Variants in NFKB2 observed in about 807,000 individuals in gnomAD.
NFKB2 encodes nuclear factor kappa B subunit 2, also known as nuclear factor NF-kappa-B p100 subunit.
In NFKB2, 21 loss-of-function variants were observed where a neutral mutation model predicts 109.3. The ratio of observed to expected loss-of-function variants is 0.19; its 90% CI spans 0.14 to 0.28. The LOEUF is 0.28. Ranked by LOEUF, NFKB2 falls within the 10% of genes least tolerant of loss-of-function variation. NFKB2 has a pLI of 1.00. For missense variants in NFKB2, 806 were observed against 1,185.3 expected (o/e 0.68, Z 4.70); for synonymous variants, 478 against 489.9 (o/e 0.98, Z 0.32).
intron 12 of NFKB2, 146 bp from the exon 13 acceptor site, chr10:102,399,142 A>G: frequency 1.2e-6 from 1 of 856,228 alleles, no homozygotes; most frequent in East Asian, 2.7e-5. Context: ...GAACCCTGGG[A>G]GACAAGAGGT....
At position 102,401,213 on chromosome 10, in the gene NFKB2, T is replaced by C; in HGVS notation, c.2105T>C (p.Leu702Pro). 1 of 1,605,308 alleles carries C rather than the reference T, an allele frequency of 6.2e-7. No homozygotes were observed. Among genetic ancestry groups the C allele is most frequent in the Non-Finnish European group, 8.5e-7 (1 of 1,174,756 alleles). ...ATCCATGCTGAAAACGAGGAGCCCCTGTGCCCACTGCCTTCACCCCCTACC... is the reference window on the plus strand; with the variant it reads ...ATCCATGCTGAAAACGAGGAGCCCCCGTGCCCACTGCCTTCACCCCCTACC... ...ADIHAENEEP[L>P]CPLPSPPTSD... Residue 702 changes from leucine to proline, a missense_variant, in exon 19 of 23, where the codon CTG becomes CCG. Around this residue, in one of 10 missense-constraint regions of NFKB2, gnomAD observed 211 missense variants for 268.7 expected, o/e 0.79. Transcript: ENST00000661543. This position sits in a 1 kb window ranked among gnomAD's most constrained non-coding sequence, Gnocchi z 4.2.
In NFKB2 at chr10:102,402,317, C is replaced by T; in HGVS notation, c.2644C>T (p.Pro882Ser). 6.4e-7 allele frequency: 1 copy of T among 1,568,514 alleles called. No homozygotes were observed. The highest frequency in any genetic ancestry group is 8.6e-7 in the Non-Finnish European group (1 of 1,156,782). ...SVEQEAEKLG[P>S]PPEPPGGLCH... ...GGAGCAGGAGGCAGAGAAGCTGGGC[C>T]CACCCCCTGAGCCACCAGGAGGGCT... Residue 882 changes from proline to serine, a missense_variant, in exon 23 of 23, where the codon CCA becomes TCA. Physicochemically the swap from Pro to Ser is moderately conservative, Grantham distance 74. Around this residue, in one of 10 missense-constraint regions of NFKB2, gnomAD observed 211 missense variants for 268.7 expected, o/e 0.79. Transcript: ENST00000661543.
In NFKB2 at chr10:102,401,879, A is replaced by T; in HGVS notation, c.2428A>T (p.Thr810Ser). 6.2e-7 allele frequency: 1 copy of T among 1,613,720 alleles called. No individual in the cohort carries two copies. The highest frequency in any genetic ancestry group is 8.5e-7 in the Non-Finnish European group (1 of 1,179,872). ...LRSLVDTYRQTTSPSGSLLRS... is the reference protein window; with the variant it reads ...LRSLVDTYRQSTSPSGSLLRS... ...CAGCCTGGTAGACACGTACCGACAGACAACCTCACCCAGTGGCAGCCTCCT... is the reference window on the plus strand; with the variant it reads ...CAGCCTGGTAGACACGTACCGACAGTCAACCTCACCCAGTGGCAGCCTCCT... The change falls in exon 21 of 23, where the codon ACA becomes TCA. Residue 810 changes from threonine to serine, a missense_variant. Thr to Ser is a moderately conservative substitution (Grantham distance 58). Around this residue, in one of 10 missense-constraint regions of NFKB2, gnomAD observed 211 missense variants for 268.7 expected, o/e 0.79. Coordinates refer to ENST00000661543, the MANE Select transcript of NFKB2 (RefSeq NM_001322934.2). This position sits in a 1 kb window ranked among gnomAD's most constrained non-coding sequence, Gnocchi z 4.2.
rs1056519389 is a variant in NFKB2 at position 102,396,680 on chromosome 10, G to A, written c.145-45G>A. On this transcript the variant is annotated intron_variant, in intron 4 of 22. Transcript: ENST00000661543. The surrounding 1 kb of genome is among the most constrained non-coding windows in gnomAD (Gnocchi z 5.9). ...GGCACTGCGGTCACTGCTGGCCTGG[G>A]TGGTCTTCCCTGATCACAATGCTAC... is the stretch of plus-strand genomic sequence containing the variant. The A allele has an allele frequency of 5.0e-6, 8 of 1,588,380 alleles. No homozygotes were observed. The highest frequency in any genetic ancestry group is 2.2e-5 in the East Asian group (1 of 44,458).
chr10:102,394,740 C>T (rs2061069280), upstream of NFKB2: 1 of 152,630 alleles, frequency 6.6e-6, no homozygotes, highest in Non-Finnish European at 1.5e-5. Flanking sequence ...CACTCGGATC[C>T]ACGTCGACAC....
At position 102,399,591 on chromosome 10, in the gene NFKB2, G is replaced by A. The variant is rs1474284997; in HGVS notation, c.1342G>A (p.Ala448Thr). The stretch of plus-strand genomic sequence containing the variant: ...GTGGCCCGTAGCTCGAGAGTACAAC[G>A]CGCGCCTGTTCGGCCTGGCGCAGCG... ...EMLQRAREYNARLFGLAQRSA... is the reference protein window; with the variant it reads ...EMLQRAREYNTRLFGLAQRSA... The change falls in exon 14 of 23, where the codon GCG becomes ACG. Residue 448 changes from alanine to threonine, a missense_variant. Physicochemically the swap from Ala to Thr is moderately conservative, Grantham distance 58 (BLOSUM62 0). Around this residue, in one of 10 missense-constraint regions of NFKB2, gnomAD observed 209 missense variants for 211.9 expected, o/e 0.99. Transcript: ENST00000661543. The A allele has an allele frequency of 1.3e-6, 2 of 1,550,746 alleles. No homozygotes were observed. The highest frequency in any genetic ancestry group is 1.9e-5 in the Admixed American group (1 of 51,512).
Position 102,398,599 on chromosome 10 carries a change from G to A in NFKB2, c.991+76G>A. 1 of 1,610,242 alleles carries A rather than the reference G, an allele frequency of 6.2e-7. No individual in the cohort carries two copies. The highest frequency in any genetic ancestry group is 1.1e-5 in the South Asian group (1 of 90,732). ...TAGAAGAAGGTCCCAAGAGCTAGAT[G>A]TGGGGATGCATGAGCCAAGTCAGAA... On this transcript the variant is annotated intron_variant, in intron 11 of 22. Coordinates refer to ENST00000661543, the MANE Select transcript of NFKB2 (RefSeq NM_001322934.2). This position sits in a 1 kb window ranked among gnomAD's most constrained non-coding sequence, Gnocchi z 6.6.
chr10:102,400,126 C>T lies in NFKB2; in HGVS notation c.1516C>T (p.Gln506Ter). The T allele has an allele frequency of 6.2e-7, 1 of 1,614,156 alleles. No homozygotes were observed. The highest frequency in any genetic ancestry group is 8.5e-7 in the Non-Finnish European group (1 of 1,180,018). ...IIHGQTSVIE[Q>*]IVYVIHHAQD... ...CCACGGGCAGACCAGTGTCATTGAG[C>T]AGATAGTCTATGTCATCCACCACGC... is the stretch of plus-strand genomic sequence containing the variant. Residue 506 changes from glutamine (Q) to a stop codon, truncating the protein, a stop_gained, in exon 15 of 23, where the codon CAG becomes TAG. Transcript: ENST00000661543. LOFTEE classifies it high-confidence loss of function. The surrounding 1 kb of genome is among the most constrained non-coding windows in gnomAD (Gnocchi z 6.3).
In NFKB2 at chr10:102,401,524, A is replaced by G. The variant is rs1442784333; in HGVS notation, c.2293+6A>G. The G allele has an allele frequency of 6.2e-7, 1 of 1,612,262 alleles. No homozygotes were observed. The highest frequency in any genetic ancestry group is 8.5e-7 in the Non-Finnish European group (1 of 1,179,826). ...GACCCCGCCCAGCCCAGCAGGTGAG[A>G]AGCATCAGGCATCCCCAGCCCGACT... On this transcript the variant is annotated splice_donor_region_variant and intron_variant, in intron 20 of 22. Coordinates refer to ENST00000661543, the MANE Select transcript of NFKB2 (RefSeq NM_001322934.2). This position sits in a 1 kb window ranked among gnomAD's most constrained non-coding sequence, Gnocchi z 4.2.
upstream of NFKB2, chr10:102,394,542 G>C (rs1472883268): frequency 1.3e-5 from 2 of 149,908 alleles, no homozygotes; most frequent in African/African-American, 5.0e-5. Flanking sequence ...GCGAGGTGTC[G>C]CGACCGGTCC....
chr10:102,402,300 A>G lies in NFKB2; in HGVS notation c.2627A>G (p.Glu876Gly). ...SAYGSQSVEQEAEKLGPPPEP... is the reference protein window; with the variant it reads ...SAYGSQSVEQGAEKLGPPPEP... ...TACGGGAGCCAGTCAGTGGAGCAGGAGGCAGAGAAGCTGGGCCCACCCCCT... is the reference window on the plus strand; with the variant it reads ...TACGGGAGCCAGTCAGTGGAGCAGGGGGCAGAGAAGCTGGGCCCACCCCCT... Residue 876 changes from glutamate (E) to glycine (G), a missense_variant, in exon 23 of 23, where the codon GAG becomes GGG. Glu to Gly is a moderately conservative substitution (Grantham distance 98). Around this residue, in one of 10 missense-constraint regions of NFKB2, gnomAD observed 211 missense variants for 268.7 expected, o/e 0.79. Coordinates refer to ENST00000661543, the MANE Select transcript of NFKB2 (RefSeq NM_001322934.2). 1 of 1,563,184 alleles carries G rather than the reference A, an allele frequency of 6.4e-7. No homozygotes were observed. Among genetic ancestry groups the G allele is most frequent in the South Asian group, 1.2e-5 (1 of 85,194 alleles).
chr10:102,397,609 T>G lies in NFKB2; in HGVS notation c.585T>G (p.Ser195=), dbSNP rs543351754. The change falls in exon 8 of 23, where the codon TCT becomes TCG. Residue 195 remains serine, a synonymous_variant. Coordinates refer to ENST00000661543, the MANE Select transcript of NFKB2 (RefSeq NM_001322934.2). The surrounding 1 kb of genome is among the most constrained non-coding windows in gnomAD (Gnocchi z 4.7). ...TGAGTATAGTGCGGCTGCGCTTCTC[T>G]GCCTTCCTTAGAGCCAGTGATGGCT... ...MDLSIVRLRF[S]AFLRASDGSF... 2.5e-6 allele frequency: 4 copies of G among 1,614,092 alleles called. No homozygotes were observed. The highest frequency in any genetic ancestry group is 3.4e-6 in the Non-Finnish European group (4 of 1,179,936).
Position 102,402,355 on chromosome 10 carries a change from C to A in NFKB2, c.2682C>A (p.His894Gln). The change falls in exon 23 of 23, where the codon CAC (histidine) becomes CAA (glutamine). Residue 894 changes from histidine (H) to glutamine (Q), a missense_variant. By Grantham distance (24) the His-to-Gln change is conservative. Coordinates refer to ENST00000661543, the MANE Select transcript of NFKB2 (RefSeq NM_001322934.2). Reference sequence around the variant, plus strand: ...CACCAGGAGGGCTCTGCCACGGGCACCCCCAGCCTCAGGTGCACTGACCTG... The same window carrying A: ...CACCAGGAGGGCTCTGCCACGGGCAACCCCAGCCTCAGGTGCACTGACCTG... ...PEPPGGLCHGHPQPQVH is the reference protein window; with the variant it reads ...PEPPGGLCHGQPQPQVH 6.4e-7 allele frequency: 1 copy of A among 1,553,044 alleles called. No homozygotes were observed. Among genetic ancestry groups the A allele is most frequent in the Non-Finnish European group, 8.7e-7 (1 of 1,150,280 alleles).
rs1490746115 is a variant in NFKB2 at position 102,399,642 on chromosome 10, G to T, written c.1393G>T (p.Gly465Cys). Residue 465 changes from glycine (G) to cysteine (C), a missense_variant, in exon 14 of 23, where the codon GGC becomes TGC. Coordinates refer to ENST00000661543, the MANE Select transcript of NFKB2 (RefSeq NM_001322934.2). ...QRSARALLDY[G>C]VTADARALLA... ...CAGCGCCCGAGCCCTACTCGACTACGGCGTCACCGCGGACGCGCGCGCGCT... is the reference window on the plus strand; with the variant it reads ...CAGCGCCCGAGCCCTACTCGACTACTGCGTCACCGCGGACGCGCGCGCGCT... 2 of 1,539,582 alleles carry T rather than the reference G, an allele frequency of 1.3e-6. No individual in the cohort carries two copies. The highest frequency in any genetic ancestry group is 8.8e-7 in the Non-Finnish European group (1 of 1,142,148).
In NFKB2 at chr10:102,397,651, G is replaced by A; in HGVS notation, c.627G>A (p.Leu209=). 6.2e-7 allele frequency: 1 copy of A among 1,613,254 alleles called. No homozygotes were observed. Among genetic ancestry groups the A allele is most frequent in the East Asian group, 2.2e-5 (1 of 44,848 alleles). ...GTGATGGCTCCTTCTCCCTGCCCCT[G>A]AAGCCAGTCATCTCCCAGCCCATCC... ...RASDGSFSLP[L]KPVISQPIHD... Residue 209 remains leucine, a synonymous_variant, in exon 8 of 23, where the codon CTG becomes CTA. Transcript: ENST00000661543. The surrounding 1 kb of genome is among the most constrained non-coding windows in gnomAD (Gnocchi z 4.7).
rs1331024181 is a variant in NFKB2 at position 102,396,712 on chromosome 10, C to T, written c.145-13C>T. The stretch of plus-strand genomic sequence containing the variant: ...TCCCTGATCACAATGCTACTATGCC[C>T]TTGGACCTTCAGAGAGGCTTCCGAT... On this transcript the variant is annotated splice_polypyrimidine_tract_variant and intron_variant, in intron 4 of 22. Transcript: ENST00000661543. This position sits in a 1 kb window ranked among gnomAD's most constrained non-coding sequence, Gnocchi z 5.9. 1.2e-6 allele frequency: 2 copies of T among 1,609,646 alleles called. No individual in the cohort carries two copies. Among genetic ancestry groups the T allele is most frequent in the Admixed American group, 1.7e-5 (1 of 59,932 alleles).
rs976488499 is a variant in NFKB2, at chr10:102,396,471, C to T, written c.126C>T (p.Ile42=). 5 of 1,613,888 alleles carry T rather than the reference C, an allele frequency of 3.1e-6. No individual in the cohort carries two copies. The highest frequency in any genetic ancestry group is 2.2e-5 in the East Asian group (1 of 44,892). The part of the protein sequence containing the change: ...PETADGPYLV[I]VEQPKQRGFR... ...CAGCTGATGGCCCCTACCTGGTGAT[C>T]GTGGAACAGCCTAAGCAGGTGAGTG... The change falls in exon 4 of 23, where the codon ATC becomes ATT. Residue 42 remains isoleucine (I), a synonymous_variant. Transcript: ENST00000661543. This position sits in a 1 kb window ranked among gnomAD's most constrained non-coding sequence, Gnocchi z 5.9.
chr10:102,396,163 G>T lies in NFKB2; in HGVS notation c.22-90G>T. 2.7e-6 allele frequency: 4 copies of T among 1,481,042 alleles called. No individual in the cohort carries two copies. Among genetic ancestry groups the T allele is most frequent in the Middle Eastern group, 1.8e-4 (1 of 5,500 alleles). 91.7% of individuals were successfully genotyped at this position (1,481,042 alleles called of 1,614,324 possible). ...TTTCTCTTGGGTCTGAGGAGGAGGGGGGAGTGACCACTGAAGACTTGGAGA... is the reference window on the plus strand; with the variant it reads ...TTTCTCTTGGGTCTGAGGAGGAGGGTGGAGTGACCACTGAAGACTTGGAGA... On this transcript the variant is annotated intron_variant, in intron 2 of 22. Transcript: ENST00000661543. The surrounding 1 kb of genome is among the most constrained non-coding windows in gnomAD (Gnocchi z 5.9).
chr10:102,400,350 C>G lies in NFKB2; in HGVS notation c.1657C>G (p.Pro553Ala). 6.2e-7 allele frequency: 1 copy of G among 1,613,898 alleles called. No individual in the cohort carries two copies. Among genetic ancestry groups the G allele is most frequent in the Non-Finnish European group, 8.5e-7 (1 of 1,180,002 alleles). The change falls in exon 16 of 23, where the codon CCA becomes GCA. Residue 553 changes from proline (P) to alanine (A), a missense_variant. Pro to Ala is a conservative substitution (Grantham distance 27). Transcript: ENST00000661543. The surrounding 1 kb of genome is among the most constrained non-coding windows in gnomAD (Gnocchi z 6.3). ...VSFLLRVGAD[P>A]ALLDRHGDSA... ...CTTTCTGCTGCGGGTAGGTGCAGAC[C>G]CAGCTCTGCTGGATCGGCATGGAGA...
Sources: allele counts gnomAD v4.1 joint callset, GRCh38; gene constraint gnomAD v4.1.1; regional missense constraint gnomAD v4.1.1; non-coding constraint Gnocchi (gnomAD v3.1); transcripts MANE v1.5; gene names NCBI Gene and HGNC (gene_info 2026-07-23, HGNC 2026-07-21).